Variants in SUGCT observed in about 807,000 individuals in gnomAD.
SUGCT encodes succinyl-CoA:glutarate CoA-transferase.
A neutral mutation model predicts 55.0 loss-of-function variants in SUGCT; 41 were observed. That is an observed-to-expected ratio of 0.74 (90% CI 0.58 to 0.97). SUGCT has a LOEUF of 0.97. Among genes scored for constraint, SUGCT ranks in the 50% least tolerant of loss-of-function variants. SUGCT has a pLI of 0.00. For missense variants in SUGCT, 568 were observed against 547.8 expected (o/e 1.04, Z -0.37); for synonymous variants, 187 against 200.4 (o/e 0.93, Z 0.56).
the SUGCT span, among the ~76,000 whole-genome samples, chr7:40,937,190 A>G: frequency 0.04 from 6,104 of 152,122 alleles, 141 homozygotes; most frequent in South Asian, 0.074. Flanking sequence ...CCACCAAGAG[A>G]TGAGGTCTTG....
the SUGCT span, among the ~76,000 whole-genome samples, chr7:40,970,028 A>AC: frequency 1.3e-5 from 2 of 152,188 alleles, no homozygotes; most frequent in Non-Finnish European, 2.9e-5. Flanking sequence ...TGCAGGTAAA[A>AC]ATCACCTAAT....
chr7:40,244,888 G>A (rs1473370009), intron 7 of SUGCT, among the ~76,000 whole-genome samples: 1 of 152,178 alleles, frequency 6.6e-6, no homozygotes, highest in East Asian at 1.9e-4. Context: ...CATAAACTGG[G>A]TCTTTTTCCT....
At chr7:40,816,188 C>A (rs1029954517) in intron 13 of SUGCT, among the ~76,000 whole-genome samples, 16 of 152,212 alleles carry the variant, frequency 1.1e-4, no homozygotes, top group East Asian at 1.9e-4. Flanking sequence ...GCCCCTACCC[C>A]ACTCCAAAGC....
intron 9 of SUGCT, among the ~76,000 whole-genome samples, chr7:40,350,796 C>A (rs1023467062): frequency 4.6e-5 from 7 of 151,886 alleles, no homozygotes; most frequent in Admixed American, 2.0e-4. Context: ...CCCCCGCAAC[C>A]CCCCCGACAG....
chr7:40,869,276 A>G, the SUGCT span, among the ~76,000 whole-genome samples: 395 of 152,316 alleles, frequency 2.6e-3, 2 homozygotes, highest in African/African-American at 9.3e-3. Context: ...ACCTGGGTCT[A>G]GAGGTCAAAC....
At chr7:40,481,916 A>C (rs1294317349) in intron 11 of SUGCT, among the ~76,000 whole-genome samples, 2 of 152,080 alleles carry the variant, frequency 1.3e-5, no homozygotes, top group Admixed American at 6.6e-5. Flanking sequence ...GATAATACAG[A>C]TTTTATTCAT....
intron 12 of SUGCT, among the ~76,000 whole-genome samples, chr7:40,718,167 G>T (rs1313899148): frequency 6.6e-6 from 1 of 152,146 alleles, no homozygotes; most frequent in Non-Finnish European, 1.5e-5. Context: ...ATAAAAACTA[G>T]CATCTCCCAT....
At chr7:40,249,457 T>A (rs1311235785) in intron 7 of SUGCT, among the ~76,000 whole-genome samples, 2 of 148,346 alleles carry the variant, frequency 1.3e-5, no homozygotes, top group Non-Finnish European at 3.0e-5. Context: ...AGGTGTCATG[T>A]ATTGCTACAT....
intron 13 of SUGCT, among the ~76,000 whole-genome samples, chr7:40,849,590 G>T (rs1395077554): frequency 6.6e-6 from 1 of 152,124 alleles, no homozygotes; most frequent in Non-Finnish European, 1.5e-5. Flanking sequence ...AGTTGGTTTG[G>T]TTTATAGAAA....
chr7:40,568,074 C>T (rs1375377139), intron 12 of SUGCT, among the ~76,000 whole-genome samples: 1 of 152,136 alleles, frequency 6.6e-6, no homozygotes, highest in Non-Finnish European at 1.5e-5. Flanking sequence ...CAAATGATGA[C>T]ATCATATCTG....
chr7:40,700,125 G>A (rs1028675272), intron 12 of SUGCT, among the ~76,000 whole-genome samples: 4 of 152,116 alleles, frequency 2.6e-5, no homozygotes, highest in Non-Finnish European at 4.4e-5. Flanking sequence ...AAGTGTGGGT[G>A]GAGAATTCTA....
At chr7:40,962,489 G>A in the SUGCT span, among the ~76,000 whole-genome samples, 1 of 151,328 alleles carries the variant, frequency 6.6e-6, no homozygotes, top group African/African-American at 2.4e-5. Context: ...CCTTCAGATT[G>A]CATAATATTC....
chr7:40,891,709 A>T, the SUGCT span, among the ~76,000 whole-genome samples: 1 of 152,070 alleles, frequency 6.6e-6, no homozygotes, highest in Non-Finnish European at 1.5e-5. Context: ...AGCTGAAAAC[A>T]TATGAAAATA....
chr7:40,906,758 T>C, the SUGCT span, among the ~76,000 whole-genome samples: 1 of 152,152 alleles, frequency 6.6e-6, no homozygotes, highest in Admixed American at 6.5e-5. Flanking sequence ...CGATATCCCA[T>C]GGATACCATG....
At chr7:40,154,839 C>G (rs746021784) in intron 1 of SUGCT, among the ~76,000 whole-genome samples, 12 of 152,242 alleles carry the variant, frequency 7.9e-5, no homozygotes, top group Non-Finnish European at 1.5e-4. Context: ...CTCACAAGTC[C>G]TATAGGAAAG....
At chr7:41,018,940 C>CTGTT in the SUGCT span, among the ~76,000 whole-genome samples, 1 of 147,722 alleles carries the variant, frequency 6.8e-6, no homozygotes, top group African/African-American at 2.5e-5. Flanking sequence ...GAGTCTCACT[C>CTGTT]TGTTGTCCAG....
chr7:40,636,917 T>G (rs1318602031), intron 12 of SUGCT, among the ~76,000 whole-genome samples: 1 of 152,158 alleles, frequency 6.6e-6, no homozygotes, highest in African/African-American at 2.4e-5. Flanking sequence ...CCCTAACCCC[T>G]CCTTTCCCGG....
chr7:40,528,802 T>G (rs747544343), intron 12 of SUGCT, among the ~76,000 whole-genome samples: 1 of 152,198 alleles, frequency 6.6e-6, no homozygotes, highest in Non-Finnish European at 1.5e-5. Flanking sequence ...TCAATAGCAT[T>G]CATTGCTTCT....
intron 7 of SUGCT, among the ~76,000 whole-genome samples, chr7:40,240,292 T>C (rs917827526): frequency 1.3e-5 from 2 of 152,156 alleles, no homozygotes; most frequent in African/African-American, 4.8e-5. Context: ...GAGACCAGCC[T>C]GATCAACATG....
Sources: gnomAD v4.1 joint callset for allele counts (sites outside exome capture counted in the v4.1 genomes callset) on GRCh38, gnomAD v4.1.1 for gene constraint, MANE v1.5 for transcripts, NCBI Gene and HGNC (gene_info 2026-07-23, HGNC 2026-07-21) for gene names.